The following NUP93 variants were observed in gnomAD, a reference collection of about 807,000 sequenced individuals.
NUP93 encodes the protein nucleoporin 93.
In NUP93, 55 loss-of-function variants were observed where a neutral mutation model predicts 107.8. The observed-to-expected ratio is 0.51, with a 90% CI of 0.41 to 0.64. The LOEUF is 0.64. NUP93 is among the 30% of genes least tolerant of loss of function. NUP93 has a pLI of 0.00. For missense variants in NUP93, 937 were observed against 1,044.7 expected, an observed-to-expected ratio of 0.90 and a Z score of 1.42; for synonymous variants, 390 against 397.5, an observed-to-expected ratio of 0.98 and a Z score of 0.22.
intron 19 of NUP93, chr16:56,839,320 T>C (rs1317419637): frequency 3.2e-6 from 1 of 314,790 alleles, no homozygotes; most frequent in Non-Finnish European, 5.8e-6. Flanking sequence ...ATTTGCAATC[T>C]CAGAATTTTA....
intron 20 of NUP93, among the ~76,000 whole-genome samples, chr16:56,840,736 C>T (rs1387563589): frequency 1.3e-5 from 2 of 152,192 alleles, no homozygotes; most frequent in African/African-American, 4.8e-5. Context: ...TGGCTCACAC[C>T]TATAATCCCA....
At chr16:56,775,434 A>G (rs1207318731) in intron 3 of NUP93, among the ~76,000 whole-genome samples, 1 of 152,210 alleles carries the variant, frequency 6.6e-6, no homozygotes, top group Admixed American at 6.5e-5. Flanking sequence ...AAGTGGATAT[A>G]ATATAGTACC....
intron 3 of NUP93, among the ~76,000 whole-genome samples, chr16:56,771,039 G>A (rs1962312488): frequency 6.6e-6 from 1 of 152,164 alleles, no homozygotes; most frequent in Non-Finnish European, 1.5e-5. Context: ...TCAGAGATGT[G>A]CTGATTTCAT....
intron 3 of NUP93, among the ~76,000 whole-genome samples, chr16:56,763,607 G>C (rs1962167779): frequency 6.6e-6 from 1 of 151,680 alleles, no homozygotes; most frequent in African/African-American, 2.4e-5. Flanking sequence ...CACTTGTCCT[G>C]GAACATCCAA....
At chr16:56,834,493 C>G in intron 15 of NUP93, 51 bp downstream of exon 15, 1 of 1,558,362 alleles carries the variant, frequency 6.4e-7, no homozygotes, top group Non-Finnish European at 8.8e-7. Flanking sequence ...TGTGCATGTC[C>G]CATGCTCATT....
At chr16:56,841,599 G>A (rs1964025896) in intron 20 of NUP93, 106 bp from the exon 21 acceptor site, 5 of 1,381,740 alleles carry the variant, frequency 3.6e-6, no homozygotes, top group Non-Finnish European at 4.9e-6. Flanking sequence ...GCAATGGTGA[G>A]GAGTGGTGCA....
At position 56,783,745 on chromosome 16, in the gene NUP93, A is replaced by G. The variant is rs181251418; in HGVS notation, c.298-14731A>G. ...GCAGCTGCAAGGCCATTTCATTTAC[A>G]TTAGGTTCCATGGCACAGGAGCTTT... is the stretch of plus-strand genomic sequence containing the variant. On this transcript the variant is annotated intron_variant, in intron 3 of 21. Transcript: ENST00000308159. 9.0e-5 allele frequency: 89 copies of G among 985,412 alleles called. 1 individual carries two copies. The highest frequency in any genetic ancestry group is 8.6e-4 in the Admixed American group (14 of 16,280). 61.0% of individuals were successfully genotyped at this position (985,412 alleles called of 1,614,324 possible).
At chr16:56,842,862 T>G (rs567242046) in intron 21 of NUP93, among the ~76,000 whole-genome samples, 1 of 152,172 alleles carries the variant, frequency 6.6e-6, no homozygotes, top group Non-Finnish European at 1.5e-5. Context: ...CCCACAATAG[T>G]GTTTTTTAAA....
intron 1 of NUP93, among the ~76,000 whole-genome samples, chr16:56,737,430 T>C (rs1288942497): frequency 6.6e-6 from 1 of 152,136 alleles, no homozygotes; most frequent in Non-Finnish European, 1.5e-5. Context: ...TAGCATCACA[T>C]TGTGGGGTAG....
intron 3 of NUP93, among the ~76,000 whole-genome samples, chr16:56,765,898 A>T (rs1396765118): frequency 6.6e-6 from 1 of 152,216 alleles, no homozygotes; most frequent in African/African-American, 2.4e-5. Context: ...CTGCCTGTCC[A>T]TGATAAGGGA....
chr16:56,787,741 C>T (rs1034246300), intron 3 of NUP93, among the ~76,000 whole-genome samples: 3 of 152,158 alleles, frequency 2.0e-5, no homozygotes, highest in Non-Finnish European at 4.4e-5. Context: ...TTTTATACTG[C>T]AGTGCGGTTT....
intron 3 of NUP93, among the ~76,000 whole-genome samples, chr16:56,793,486 T>G (rs1274326883): frequency 6.6e-6 from 1 of 152,196 alleles, no homozygotes; most frequent in African/African-American, 2.4e-5. Context: ...GGGAGCCAGT[T>G]CATCCTTCAC....
In NUP93 at chr16:56,831,821, T is replaced by A. The variant is rs752191948; in HGVS notation, c.1086-21T>A. Reference sequence around the variant, plus strand: ...TTTTTATTGAGTATGTATCTATCTGTCTGTTCCCTTATGTCTGTAGATTGT... The same window carrying A: ...TTTTTATTGAGTATGTATCTATCTGACTGTTCCCTTATGTCTGTAGATTGT... On this transcript the variant is annotated intron_variant, in intron 10 of 21. Transcript: ENST00000308159. 17 of 1,612,054 alleles carry A rather than the reference T, an allele frequency of 1.1e-5. No homozygotes were observed. The Admixed American group carries it at 2.0e-4, about 19-fold the overall frequency.
intron 8 of NUP93, among the ~76,000 whole-genome samples, chr16:56,826,288 G>A (rs1396124938): frequency 1.3e-5 from 2 of 152,166 alleles, no homozygotes; most frequent in East Asian, 1.9e-4. Flanking sequence ...AAGGTGGGTG[G>A]ATCACCTGAG....
At chr16:56,730,979 A>T (rs1337277006) in intron 1 of NUP93, among the ~76,000 whole-genome samples, 1 of 151,974 alleles carries the variant, frequency 6.6e-6, no homozygotes, top group African/African-American at 2.4e-5. Context: ...AGCGAGGGTC[A>T]CCTTTTTGTA....
At chr16:56,786,571 A>G (rs1962632404) in intron 3 of NUP93, among the ~76,000 whole-genome samples, 1 of 152,228 alleles carries the variant, frequency 6.6e-6, no homozygotes, top group South Asian at 2.1e-4. Context: ...TTACTTACTG[A>G]GCTGTGCTTG....
chr16:56,782,314 G>A (rs1356669649), intron 3 of NUP93: 1 of 673,208 alleles, frequency 1.5e-6, no homozygotes, highest in Non-Finnish European at 1.8e-6. Flanking sequence ...CAAGGTCTTG[G>A]TTTGTTTGAA....
chr16:56,839,978 A>T (rs1314919976), intron 20 of NUP93: 2 of 191,796 alleles, frequency 1.0e-5, no homozygotes, highest in African/African-American at 2.4e-5. Context: ...CGTGAAACAC[A>T]TCATGATTCA....
chr16:56,776,405 CT>C (rs1254605539), intron 3 of NUP93, among the ~76,000 whole-genome samples: 1 of 152,076 alleles, frequency 6.6e-6, no homozygotes, highest in Non-Finnish European at 1.5e-5. Context: ...GTTTTAGTGT[CT>C]TTTCTTTAAC....
Sources: gnomAD v4.1 joint callset for allele counts (sites outside exome capture counted in the v4.1 genomes callset) on GRCh38, gnomAD v4.1.1 for gene constraint, MANE v1.5 for transcripts, NCBI Gene and HGNC (gene_info 2026-07-23, HGNC 2026-07-21) for gene names.